Variants in LMTK2 observed in about 807,000 individuals in gnomAD.
LMTK2 encodes the protein lemur tail kinase 2.
In LMTK2, 37 loss-of-function variants were observed where a neutral mutation model predicts 127.5. The ratio of observed to expected loss-of-function variants is 0.29; its 90% confidence interval spans 0.22 to 0.38. LMTK2 has a LOEUF of 0.38. Among genes scored for constraint, LMTK2 ranks in the 10% least tolerant of loss-of-function variants. The pLI is 1.00. For synonymous variants in LMTK2, 819 were observed against 810.1 expected (o/e 1.01, Z -0.19); for missense variants, 1,694 against 1,920.3 (o/e 0.88, Z 2.20).
chr7:98,170,403 A>C (rs1329465211), intron 6 of LMTK2, among the ~76,000 whole-genome samples: 1 of 152,196 alleles, frequency 6.6e-6, no homozygotes, highest in Non-Finnish European at 1.5e-5. Context: ...AATGTGGGTA[A>C]ATGTTTGTAA....
chr7:98,143,081 G>C (rs1415900101), intron 3 of LMTK2, among the ~76,000 whole-genome samples: 1 of 152,182 alleles, frequency 6.6e-6, no homozygotes, highest in Admixed American at 6.5e-5. Context: ...GATCTACTGG[G>C]GATGGATGGG....
At chr7:98,108,447 G>T (rs1383102399) in intron 1 of LMTK2, among the ~76,000 whole-genome samples, 2 of 152,192 alleles carry the variant, frequency 1.3e-5, no homozygotes, top group Non-Finnish European at 2.9e-5. Flanking sequence ...TGCTTCCAGA[G>T]CTACATCAGG....
At chr7:98,137,517 C>T in intron 2 of LMTK2, 75 bp downstream of exon 2, 1 of 1,404,908 alleles carries the variant, frequency 7.1e-7, no homozygotes, top group Admixed American at 2.4e-5. Context: ...ATAGCACAGT[C>T]CTTTGGGAAC....
chr7:98,149,535 A>T (rs1160284757), intron 3 of LMTK2, among the ~76,000 whole-genome samples: 1 of 152,238 alleles, frequency 6.6e-6, no homozygotes, highest in African/African-American at 2.4e-5. Context: ...ATAGAGGTGC[A>T]GTTAAATGGT....
chr7:98,132,002 A>G (rs991290523), intron 1 of LMTK2, among the ~76,000 whole-genome samples: 4 of 152,216 alleles, frequency 2.6e-5, no homozygotes, highest in East Asian at 1.9e-4. Context: ...AACAGAAACT[A>G]TAAAAGATGA....
intron 1 of LMTK2, among the ~76,000 whole-genome samples, chr7:98,123,899 A>AT (rs1371292114): frequency 4.0e-5 from 6 of 151,862 alleles, no homozygotes; most frequent in Non-Finnish European, 8.8e-5. Context: ...ATGTGCAAGT[A>AT]TTTTTTTCAA....
intron 7 of LMTK2, among the ~76,000 whole-genome samples, chr7:98,179,869 C>T (rs1405424878): frequency 6.6e-6 from 1 of 152,146 alleles, no homozygotes; most frequent in Non-Finnish European, 1.5e-5. Context: ...GGACCAGCTG[C>T]GTGCTTGGAA....
intron 1 of LMTK2, among the ~76,000 whole-genome samples, chr7:98,129,500 G>T (rs766392110): frequency 1.3e-5 from 2 of 152,036 alleles, no homozygotes; most frequent in Non-Finnish European, 2.9e-5. Flanking sequence ...AAGTAGCTGG[G>T]ACTACAGGTG....
chr7:98,165,269 C>T (rs1562911111), intron 6 of LMTK2, among the ~76,000 whole-genome samples: 1 of 152,134 alleles, frequency 6.6e-6, no homozygotes. Context: ...ATGTTCCCAT[C>T]GAGTGAGTTG....
chr7:98,126,440 C>G (rs1276061605), intron 1 of LMTK2: 1 of 152,180 alleles, frequency 6.6e-6, no homozygotes, highest in African/African-American at 2.4e-5. Context: ...TGTGGAACCA[C>G]CATTCAAAGC....
rs770968335 is a variant in LMTK2, at chr7:98,171,522, C to A, written c.658-19C>A. The A allele has an allele frequency of 1.2e-6, 2 of 1,613,920 alleles. No homozygotes were observed. The highest frequency in any genetic ancestry group is 1.7e-6 in the Non-Finnish European group (2 of 1,180,044). ...TTCCTGTGGCTCGTTTGGAAACTCA[C>A]ACGGGCTGACTTTTGCAGGGTGACC... On this transcript the variant is annotated intron_variant, in intron 6 of 13. Transcript: ENST00000297293. The surrounding 1 kb of genome is among the most constrained non-coding windows in gnomAD (Gnocchi z 5.1).
At chr7:98,203,544 G>A (rs1382849813) in intron 11 of LMTK2, 30 bp from the exon 12 acceptor site, 8 of 1,571,310 alleles carry the variant, frequency 5.1e-6, no homozygotes, top group Non-Finnish European at 6.9e-6. Flanking sequence ...GCAGGCCTTT[G>A]CTGACAGGAG....
chr7:98,115,458 G>A (rs1483771393), intron 1 of LMTK2, among the ~76,000 whole-genome samples: 1 of 151,864 alleles, frequency 6.6e-6, no homozygotes. Context: ...AAAAAGAAAA[G>A]AAGGAAGGGA....
At chr7:98,140,139 T>G (rs112234318) in intron 2 of LMTK2, among the ~76,000 whole-genome samples, 713 of 16,276 alleles carry the variant, frequency 0.044, 107 homozygotes, top group East Asian at 0.18. Flanking sequence ...TCTTTCTTTC[T>G]TTCTTTTCTT....
intron 11 of LMTK2, among the ~76,000 whole-genome samples, chr7:98,201,663 A>G (rs373362589): frequency 1.4e-4 from 22 of 152,154 alleles, no homozygotes; most frequent in African/African-American, 4.6e-4. Context: ...TAGCTGGAGT[A>G]CAGTGGCACG....
chr7:98,167,610 C>T (rs982279144), intron 6 of LMTK2, among the ~76,000 whole-genome samples: 3 of 152,166 alleles, frequency 2.0e-5, no homozygotes, highest in Admixed American at 6.5e-5. Flanking sequence ...TTTGGTCTGA[C>T]GCACTTGGAA....
chr7:98,203,699 C>T lies in LMTK2; in HGVS notation c.4233C>T (p.Asp1411=), dbSNP rs199890482. ...GCATCAACTCCGAAAGCTCCACCGA[C>T]GAAGAAGGTATTTCACGTCATTGTC... ...SRCINSESST[D]EEGGGFEWDD... Residue 1411 remains aspartate, a synonymous_variant, in exon 12 of 14, where the codon GAC becomes GAT. Transcript: ENST00000297293. The T allele has an allele frequency of 2.9e-5, 47 of 1,613,472 alleles. 1 individual carries two copies. The Middle Eastern group carries it at 5.0e-4, about 17-fold the overall frequency.
At chr7:98,196,363 G>T (rs1797622432) in intron 11 of LMTK2, among the ~76,000 whole-genome samples, 1 of 152,196 alleles carries the variant, frequency 6.6e-6, no homozygotes, top group African/African-American at 2.4e-5. Context: ...CCGTTTTCTA[G>T]TAAGAGTGGA....
At chr7:98,139,815 G>A (rs775447628) in intron 2 of LMTK2, among the ~76,000 whole-genome samples, 11 of 152,172 alleles carry the variant, frequency 7.2e-5, no homozygotes, top group Non-Finnish European at 1.2e-4. Flanking sequence ...GGCTAGGAGA[G>A]GTGGTAGAGA....
Sources: allele counts gnomAD v4.1 joint callset (sites outside exome capture counted in the v4.1 genomes callset), GRCh38; gene constraint gnomAD v4.1.1; non-coding constraint Gnocchi (gnomAD v3.1); transcripts MANE v1.5; gene names NCBI Gene and HGNC (gene_info 2026-07-23, HGNC 2026-07-21).